Variants in ADAMTS16 observed in about 807,000 individuals in gnomAD.
ADAMTS16 encodes ADAM metallopeptidase with thrombospondin type 1 motif 16, also known as A disintegrin and metalloproteinase with thrombospondin motifs 16.
A neutral mutation model predicts 145.8 loss-of-function variants in ADAMTS16; 94 were observed. That is an observed-to-expected ratio of 0.64 (90% CI 0.55 to 0.77). ADAMTS16 has a LOEUF of 0.77. Ranked by LOEUF, ADAMTS16 falls within the 30% of genes least tolerant of loss-of-function variation. The probability of loss-of-function intolerance (pLI) is 0.00; values close to 1 mark genes in which losing one functional copy is unlikely to be tolerated. For missense variants in ADAMTS16, 1,585 were observed against 1,591.5 expected (o/e 1.00, Z 0.07); for synonymous variants, 659 against 604.3 (o/e 1.09, Z -1.33).
intron 8 of ADAMTS16, 132 bp from the exon 9 acceptor site, chr5:5,200,000 T>C (rs1735912224): frequency 1.8e-6 from 2 of 1,137,990 alleles, no homozygotes; most frequent in Non-Finnish European, 2.4e-6. Context: ...AGTTGTGACT[T>C]TTATTTTTGC....
At chr5:5,225,675 CA>C (rs1736739875) in intron 11 of ADAMTS16, among the ~76,000 whole-genome samples, 3 of 151,682 alleles carry the variant, frequency 2.0e-5, no homozygotes, top group Admixed American at 2.0e-4. Context: ...ATAAGGCCAG[CA>C]GTTGCATTCT....
intron 20 of ADAMTS16, among the ~76,000 whole-genome samples, chr5:5,304,835 A>G (rs1435243148): frequency 2.0e-5 from 3 of 152,022 alleles, no homozygotes; most frequent in Admixed American, 1.3e-4. Context: ...GAAAAGACAC[A>G]TCCCTGGGTG....
chr5:5,315,949 A>C (rs1734042178), intron 21 of ADAMTS16, among the ~76,000 whole-genome samples: 1 of 152,162 alleles, frequency 6.6e-6, no homozygotes. Context: ...TTCCTCATCC[A>C]GAGGGGAAAA....
At chr5:5,213,720 G>C (rs941735926) in intron 10 of ADAMTS16, among the ~76,000 whole-genome samples, 6 of 152,094 alleles carry the variant, frequency 3.9e-5, no homozygotes, top group African/African-American at 1.4e-4. Flanking sequence ...TGAATGCCCA[G>C]GATGCTCATT....
rs922068202 is a variant in ADAMTS16 at position 5,317,821 on chromosome 5, G to A, written c.3412-313G>A. Among the ~76,000 whole-genome samples, 1 of 150,582 alleles carries A rather than the reference G, an allele frequency of 6.6e-6. No individual in the cohort carries two copies. Among genetic ancestry groups the A allele is most frequent in the Non-Finnish European group, 1.5e-5 (1 of 67,600 alleles). On this transcript the variant is annotated intron_variant, in intron 21 of 22. Transcript: ENST00000274181. This position sits in a 1 kb window ranked among gnomAD's most constrained non-coding sequence, Gnocchi z 4.5. ...CCCAGCCTGAGCAAGTCCTGTCACC[G>A]CTCAAGGCTCAAGGCTGTCTTCTAT...
chr5:5,311,911 G>T (rs1740465854), intron 21 of ADAMTS16, among the ~76,000 whole-genome samples: 1 of 152,014 alleles, frequency 6.6e-6, no homozygotes, highest in Non-Finnish European at 1.5e-5. Flanking sequence ...TACAGTTGGG[G>T]TTTCACCATG....
chr5:5,146,219 G>GT lies in ADAMTS16; in HGVS notation c.266dup (p.Pro90AlafsTer6). 3 of 1,614,182 alleles carry GT rather than the reference G, an allele frequency of 1.9e-6. No homozygotes were observed. Among genetic ancestry groups the GT allele is most frequent in the Non-Finnish European group, 2.5e-6 (3 of 1,180,028 alleles). Reference sequence around the variant, plus strand: ...GCACCATCAGCGGCGGAGAAGAGCAGTGCCCGTGTCCGAGGTTGAGTCTCT... The same window carrying GT: ...GCACCATCAGCGGCGGAGAAGAGCAGTTGCCCGTGTCCGAGGTTGAGTCTCT... On this transcript the variant is annotated frameshift_variant, in exon 3 of 23. Coordinates refer to ENST00000274181, the MANE Select transcript of ADAMTS16 (RefSeq NM_139056.4). LOFTEE classifies it high-confidence loss of function.
intron 16 of ADAMTS16, among the ~76,000 whole-genome samples, chr5:5,241,401 TA>T: frequency 6.6e-6 from 1 of 152,332 alleles, no homozygotes; most frequent in African/African-American, 2.4e-5. Context: ...TCTTTACTAA[TA>T]AAACACCTTT....
intron 4 of ADAMTS16, among the ~76,000 whole-genome samples, chr5:5,185,782 A>C (rs1023272814): frequency 6.6e-6 from 1 of 152,346 alleles, no homozygotes; most frequent in South Asian, 2.1e-4. Flanking sequence ...AGTTACAGCC[A>C]AAGAGTGCCC....
intron 2 of ADAMTS16, among the ~76,000 whole-genome samples, chr5:5,145,140 CT>C (rs1392767543): frequency 1.3e-5 from 2 of 152,170 alleles, no homozygotes; most frequent in Non-Finnish European, 2.9e-5. Context: ...AACTTTTCCT[CT>C]TGCAAGATTA....
intron 11 of ADAMTS16, among the ~76,000 whole-genome samples, chr5:5,228,205 A>T (rs1483519942): frequency 6.6e-6 from 1 of 152,246 alleles, no homozygotes; most frequent in Non-Finnish European, 1.5e-5. Context: ...TCCTAACAGA[A>T]GAATTATTTC....
chr5:5,318,540 A>C (rs1379468575), intron 22 of ADAMTS16, among the ~76,000 whole-genome samples: 2 of 152,184 alleles, frequency 1.3e-5, no homozygotes, highest in African/African-American at 4.8e-5. Flanking sequence ...TATTTAAAGA[A>C]AGCAATCTTA....
chr5:5,246,112 T>C (rs1737431060), intron 17 of ADAMTS16, among the ~76,000 whole-genome samples: 1 of 152,242 alleles, frequency 6.6e-6, no homozygotes, highest in Non-Finnish European at 1.5e-5. Context: ...CAGTTTTTTC[T>C]CAAAATTATA....
intron 18 of ADAMTS16, among the ~76,000 whole-genome samples, chr5:5,275,680 T>C (rs992404815): frequency 1.3e-5 from 2 of 152,324 alleles, no homozygotes; most frequent in African/African-American, 2.4e-5. Context: ...GATCTTGCTT[T>C]CCAATTTATG....
intron 9 of ADAMTS16, among the ~76,000 whole-genome samples, chr5:5,200,884 G>C (rs966852398): frequency 2.0e-5 from 3 of 152,138 alleles, no homozygotes; most frequent in Non-Finnish European, 4.4e-5. Context: ...CATTGGGGAG[G>C]TAGGGTTTGA....
intron 9 of ADAMTS16, among the ~76,000 whole-genome samples, chr5:5,205,745 GGT>G: frequency 6.6e-6 from 1 of 152,224 alleles, no homozygotes; most frequent in African/African-American, 2.4e-5. Context: ...TCTTTGATTA[GGT>G]GTCTGTTCAG....
At position 5,195,516 on chromosome 5, in the gene ADAMTS16, G is replaced by A. The variant is rs533193597; in HGVS notation, c.1313+3726G>A. On this transcript the variant is annotated intron_variant, in intron 8 of 22. Coordinates refer to ENST00000274181, the MANE Select transcript of ADAMTS16 (RefSeq NM_139056.4). Reference sequence around the variant, plus strand: ...CTTAACAGCTCTTACCTAGGTTTCCGATCTGCAAAAACAATAGAGCACTAT... The same window carrying A: ...CTTAACAGCTCTTACCTAGGTTTCCAATCTGCAAAAACAATAGAGCACTAT... 7.2e-5 allele frequency among the ~76,000 whole-genome samples: 11 copies of A among 152,250 alleles called. No homozygotes were observed. The South Asian group carries it at 1.2e-3, about 17-fold the overall frequency.
At position 5,186,053 on chromosome 5, in the gene ADAMTS16, C is replaced by T; in HGVS notation, c.765C>T (p.Tyr255=). The T allele has an allele frequency of 6.2e-7, 1 of 1,612,160 alleles. No homozygotes were observed. Among genetic ancestry groups the T allele is most frequent in the Non-Finnish European group, 8.5e-7 (1 of 1,179,544 alleles). The change falls in exon 5 of 23, where the codon TAC becomes TAT. Residue 255 remains tyrosine (Y), a splice_region_variant and synonymous_variant. Transcript: ENST00000274181. ...TGCCCTCCATGTGTCCCTCCATAGACATGCCCCAGCCTCCCAAGGAAGACC... is the reference window on the plus strand; with the variant it reads ...TGCCCTCCATGTGTCCCTCCATAGATATGCCCCAGCCTCCCAAGGAAGACC... The part of the protein sequence containing the change: ...KQHFCGRRKK[Y]MPQPPKEDLF...
Position 5,273,091 on chromosome 5 carries a change from G to A in ADAMTS16, c.2789+10308G>A, listed in dbSNP as rs149918101. 7.2e-5 allele frequency among the ~76,000 whole-genome samples: 11 copies of A among 152,282 alleles called. No individual in the cohort carries two copies. In the Middle Eastern group the frequency reaches 0.01, roughly 141 times the overall value. On this transcript the variant is annotated intron_variant, in intron 18 of 22. Coordinates refer to ENST00000274181, the MANE Select transcript of ADAMTS16 (RefSeq NM_139056.4). ...CCCAGTGGGGTGGACACGGGACTGT[G>A]TGTCTCACCCACAGAAGCCACCGTG...
Sources: allele counts gnomAD v4.1 joint callset (sites outside exome capture counted in the v4.1 genomes callset), GRCh38; gene constraint gnomAD v4.1.1; non-coding constraint Gnocchi (gnomAD v3.1); transcripts MANE v1.5; gene names NCBI Gene and HGNC (gene_info 2026-07-23, HGNC 2026-07-21).